The following ADGRL2 variants were observed in gnomAD, a reference collection of about 807,000 sequenced individuals.
ADGRL2 encodes the protein calcium-independent alpha-latrotoxin receptor 2.
ADGRL2 carries 44 observed loss-of-function variants against 157.4 expected under a neutral mutation model. The ratio of observed to expected loss-of-function variants is 0.28; its 90% confidence interval spans 0.22 to 0.36. ADGRL2 has a LOEUF of 0.36. ADGRL2 is among the 10% of genes least tolerant of loss of function. The probability of loss-of-function intolerance (pLI) is 1.00; values close to 1 mark genes in which losing one functional copy is unlikely to be tolerated. For missense variants in ADGRL2, 1,510 were observed against 1,768.9 expected, an observed-to-expected ratio of 0.85 and a Z score of 2.63; for synonymous variants, 585 against 624.7, an observed-to-expected ratio of 0.94 and a Z score of 0.95.
At chr1:81,636,858 C>T (rs1450172311) in intron 3 of ADGRL2, among the ~76,000 whole-genome samples, 1 of 152,132 alleles carries the variant, frequency 6.6e-6, no homozygotes, top group African/African-American at 2.4e-5. Context: ...GGTGTTCAAA[C>T]AGAGTCTCCC....
Position 81,943,451 on chromosome 1 carries a change from T to A in ADGRL2, c.892T>A (p.Tyr298Asn), listed in dbSNP as rs1175853860. The A allele has an allele frequency of 6.2e-7, 1 of 1,613,720 alleles. No individual in the cohort carries two copies. Among genetic ancestry groups the A allele is most frequent in the African/African-American group, 1.3e-5 (1 of 75,012 alleles). ...GMIVISQLNP[Y>N]TLRFEATWET... ...GATAGTTATTAGCCAGCTGAATCCA[T>A]ACACTCTTCGATTTGAAGCAACGTG... The change falls in exon 6 of 24, where the codon TAC becomes AAC. Residue 298 changes from tyrosine to asparagine, a missense_variant. Tyr to Asn is a moderately radical substitution (Grantham distance 143, BLOSUM62 -2). This residue lies in a region of ADGRL2 where 361 missense variants were observed against 498.4 expected (regional missense o/e 0.72). Coordinates refer to ENST00000686636, the MANE Select transcript of ADGRL2 (RefSeq NM_001366006.2). The surrounding 1 kb of genome is among the most constrained non-coding windows in gnomAD (Gnocchi z 5.6).
At chr1:81,959,981 G>A (rs917517594) in intron 11 of ADGRL2, among the ~76,000 whole-genome samples, 1 of 151,936 alleles carries the variant, frequency 6.6e-6, no homozygotes, top group African/African-American at 2.4e-5. Context: ...TGTATTTTTA[G>A]TTAAGACGGG....
Position 81,482,209 on chromosome 1 carries a change from T to A in ADGRL2, c.-248+37120T>A, listed in dbSNP as rs146211645. Among the ~76,000 whole-genome samples, 18 of 152,322 alleles carry A rather than the reference T, an allele frequency of 1.2e-4. No homozygotes were observed. In the East Asian group the frequency reaches 3.5e-3, roughly 29 times the overall value. ...TTAGCAGAAACTGATATTAGTTATT[T>A]CTGACATAGAGAACAAAATATAGTT... On this transcript the variant is annotated intron_variant, in intron 2 of 24. Transcript: ENST00000370721.
At chr1:81,554,195 A>T (rs1433592637) in intron 2 of ADGRL2, among the ~76,000 whole-genome samples, 1 of 152,240 alleles carries the variant, frequency 6.6e-6, no homozygotes, top group African/African-American at 2.4e-5. Flanking sequence ...GATTGGTTCC[A>T]GGAGACACTT....
chr1:81,799,384 G>C (rs2087762248), upstream of ADGRL2, among the ~76,000 whole-genome samples: 1 of 152,144 alleles, frequency 6.6e-6, no homozygotes, highest in South Asian at 2.1e-4. Context: ...CAATACATCA[G>C]GTAGAAGAAA....
At chr1:81,443,664 C>T (rs370957930) in intron 1 of ADGRL2, among the ~76,000 whole-genome samples, 3 of 152,136 alleles carry the variant, frequency 2.0e-5, no homozygotes, top group African/African-American at 4.8e-5. Flanking sequence ...TGAGCAGGAG[C>T]GTAGTAATTA....
intron 1 of ADGRL2, among the ~76,000 whole-genome samples, chr1:81,708,733 C>T (rs986774908): frequency 1.3e-5 from 2 of 151,810 alleles, no homozygotes; most frequent in Admixed American, 6.6e-5. Context: ...TTAGGATGGA[C>T]TCCTTCTATA....
intron 2 of ADGRL2, among the ~76,000 whole-genome samples, chr1:81,463,795 C>G (rs1557708122): frequency 6.6e-6 from 1 of 152,170 alleles, no homozygotes; most frequent in Admixed American, 6.5e-5. Flanking sequence ...TGTATAAAGA[C>G]AGTTTAAATT....
At chr1:81,482,110 C>T (rs896424733) in intron 2 of ADGRL2, among the ~76,000 whole-genome samples, 11 of 152,218 alleles carry the variant, frequency 7.2e-5, no homozygotes, top group African/African-American at 2.7e-4. Flanking sequence ...AACCCACCAA[C>T]TGCTTAGACT....
chr1:81,324,781 A>G (rs1436416573), intron 1 of ADGRL2, among the ~76,000 whole-genome samples: 1 of 151,962 alleles, frequency 6.6e-6, no homozygotes, highest in Admixed American at 6.6e-5. Context: ...CAGTGTCTCA[A>G]TCTCGGCTCA....
chr1:81,686,812 C>T (rs2083237331), intron 3 of ADGRL2, among the ~76,000 whole-genome samples: 1 of 151,928 alleles, frequency 6.6e-6, no homozygotes, highest in Admixed American at 6.6e-5. Context: ...TAGCTGTATC[C>T]CAGAGGTTTT....
At chr1:81,419,326 C>G (rs951216104) in intron 1 of ADGRL2, among the ~76,000 whole-genome samples, 1 of 152,146 alleles carries the variant, frequency 6.6e-6, no homozygotes, top group African/African-American at 2.4e-5. Context: ...GCCTCAGCCT[C>G]CCTAGTAGCT....
At chr1:81,612,663 A>C (rs2081566452) in intron 3 of ADGRL2, among the ~76,000 whole-genome samples, 1 of 152,066 alleles carries the variant, frequency 6.6e-6, no homozygotes, top group South Asian at 2.1e-4. Flanking sequence ...ATTTTCTGTC[A>C]GATGAGAATG....
chr1:81,659,374 T>C (rs2082605679), intron 3 of ADGRL2, among the ~76,000 whole-genome samples: 1 of 152,130 alleles, frequency 6.6e-6, no homozygotes, highest in African/African-American at 2.4e-5. Flanking sequence ...AGTTACATTT[T>C]TGAGGAAGCA....
chr1:81,893,314 C>T (rs2389210), intron 2 of ADGRL2, among the ~76,000 whole-genome samples: 3,447 of 150,226 alleles, frequency 0.023, 66 homozygotes, highest in Middle Eastern at 0.053. Flanking sequence ...CTTATCAATC[C>T]TGTCTTGTAT....
At chr1:81,711,133 T>C (rs969776765) in intron 1 of ADGRL2, among the ~76,000 whole-genome samples, 3 of 152,202 alleles carry the variant, frequency 2.0e-5, no homozygotes, top group Non-Finnish European at 4.4e-5. Context: ...TCTTTACATA[T>C]TACGAAGCTG....
At chr1:81,354,353 T>G (rs1210741437) in intron 1 of ADGRL2, among the ~76,000 whole-genome samples, 2 of 152,224 alleles carry the variant, frequency 1.3e-5, no homozygotes, top group East Asian at 3.8e-4. Context: ...CCTAATCGGA[T>G]TCTAAGCTTC....
At chr1:81,614,098 T>C (rs965873618) in intron 3 of ADGRL2, among the ~76,000 whole-genome samples, 2 of 152,192 alleles carry the variant, frequency 1.3e-5, no homozygotes, top group African/African-American at 2.4e-5. Flanking sequence ...ACGGCAATTG[T>C]TATTGGCATA....
At chr1:81,888,002 G>T (rs1045876703) in intron 2 of ADGRL2, among the ~76,000 whole-genome samples, 1 of 152,142 alleles carries the variant, frequency 6.6e-6, no homozygotes, top group African/African-American at 2.4e-5. Context: ...AGACAGTCAA[G>T]CGGCCTTCTA....
Sources: gnomAD v4.1 joint callset for allele counts (sites outside exome capture counted in the v4.1 genomes callset) on GRCh38, gnomAD v4.1.1 for gene constraint, gnomAD v4.1.1 regional missense constraint, Gnocchi (gnomAD v3.1) non-coding constraint, MANE v1.5 for transcripts, NCBI Gene and HGNC (gene_info 2026-07-23, HGNC 2026-07-21) for gene names.